The following SPECC1 variants were observed in gnomAD, a reference collection of about 807,000 sequenced individuals.
SPECC1 encodes cytospin-B.
A neutral mutation model predicts 104.1 loss-of-function variants in SPECC1; 62 were observed. The ratio of observed to expected loss-of-function variants is 0.60; its 90% CI spans 0.49 to 0.74. The LOEUF is 0.74. Among genes scored for constraint, SPECC1 ranks in the 30% least tolerant of loss-of-function variants. The pLI is 0.00. For synonymous variants in SPECC1, 513 were observed against 501.6 expected (o/e 1.02, Z -0.30); for missense variants, 1,306 against 1,310.5 (o/e 1.00, Z 0.05).
At chr17:20,211,102 C>T (rs921885617) in intron 4 of SPECC1, among the ~76,000 whole-genome samples, 5 of 152,204 alleles carry the variant, frequency 3.3e-5, no homozygotes, top group Non-Finnish European at 7.3e-5. Context: ...CCCACCCTGG[C>T]CCTCAGAGGA....
intron 11 of SPECC1, among the ~76,000 whole-genome samples, chr17:20,258,853 T>C (rs867093312): frequency 3.8e-4 from 58 of 152,392 alleles, no homozygotes; most frequent in African/African-American, 1.4e-3. Flanking sequence ...TTTGGGTGTT[T>C]AGTTTTTGTA....
intron 3 of SPECC1, among the ~76,000 whole-genome samples, chr17:20,179,280 A>C (rs2034696084): frequency 6.6e-6 from 1 of 152,276 alleles, no homozygotes; most frequent in African/African-American, 2.4e-5. Context: ...CAGATGCTGC[A>C]GGCACTAAAG....
chr17:20,237,168 GA>G, intron 7 of SPECC1: 2 of 1,339,466 alleles, frequency 1.5e-6, no homozygotes, highest in Non-Finnish European at 1.9e-6. Context: ...ATGAAGTTCT[GA>G]AAAAAACAAA....
At chr17:20,168,115 A>G (rs1012431611) in intron 3 of SPECC1, among the ~76,000 whole-genome samples, 7 of 152,222 alleles carry the variant, frequency 4.6e-5, no homozygotes, top group African/African-American at 1.7e-4. Context: ...TGATAAAAGT[A>G]GTACTAATAC....
chr17:20,078,087 T>C (rs898241608), intron 1 of SPECC1, among the ~76,000 whole-genome samples: 3 of 151,462 alleles, frequency 2.0e-5, no homozygotes, highest in Non-Finnish European at 4.4e-5. Context: ...ATTACATATA[T>C]ACATAAAAAG....
At chr17:20,150,843 G>C (rs1029923018) in intron 3 of SPECC1, among the ~76,000 whole-genome samples, 1 of 151,844 alleles carries the variant, frequency 6.6e-6, no homozygotes, top group African/African-American at 2.4e-5. Flanking sequence ...CTATATTTCA[G>C]ATATAGTTAT....
chr17:20,063,047 C>T lies in SPECC1; in HGVS notation c.-21-33584C>T, dbSNP rs537698477. ...GATATAGAGTAAATATGAAGTCACT[C>T]CTTATAATTCCCATCCCAACTGCCT... On this transcript the variant is annotated intron_variant, in intron 1 of 14. Transcript: ENST00000395527. 2.6e-5 allele frequency among the ~76,000 whole-genome samples: 4 copies of T among 152,210 alleles called. No individual in the cohort carries two copies. In the South Asian group the frequency reaches 8.3e-4, roughly 32 times the overall value.
chr17:20,031,135 T>C (rs2044792594), intron 1 of SPECC1, among the ~76,000 whole-genome samples: 1 of 151,878 alleles, frequency 6.6e-6, no homozygotes, highest in Admixed American at 6.6e-5. Context: ...GCTGGGATTA[T>C]AAGTATATGC....
intron 12 of SPECC1, among the ~76,000 whole-genome samples, chr17:20,276,903 T>A (rs753756889): frequency 6.6e-6 from 1 of 152,224 alleles, no homozygotes; most frequent in Non-Finnish European, 1.5e-5. Context: ...CAGGGCTGCT[T>A]TCTGGGGTAG....
At chr17:20,265,092 G>A (rs544783631) in intron 12 of SPECC1, among the ~76,000 whole-genome samples, 9 of 152,122 alleles carry the variant, frequency 5.9e-5, no homozygotes, top group Non-Finnish European at 8.8e-5. Context: ...ATGAACATAC[G>A]AGTGGTAGAA....
At chr17:20,046,725 G>A (rs545141803) in intron 1 of SPECC1, among the ~76,000 whole-genome samples, 3 of 152,150 alleles carry the variant, frequency 2.0e-5, no homozygotes, top group Non-Finnish European at 4.4e-5. Flanking sequence ...GAGTAGGTAA[G>A]GGAGTTAACT....
chr17:20,266,588 A>T (rs931327922), intron 12 of SPECC1, among the ~76,000 whole-genome samples: 3 of 151,756 alleles, frequency 2.0e-5, no homozygotes, highest in Admixed American at 1.3e-4. Flanking sequence ...CGTCTCAAAA[A>T]ATATATATAT....
At chr17:20,085,803 G>A (rs1374770040) in intron 1 of SPECC1, among the ~76,000 whole-genome samples, 2 of 152,230 alleles carry the variant, frequency 1.3e-5, no homozygotes, top group African/African-American at 2.4e-5. Flanking sequence ...GCGGACTCCC[G>A]CTGCATGTGC....
chr17:20,236,841 C>G, intron 7 of SPECC1: 3 of 1,613,844 alleles, frequency 1.9e-6, no homozygotes, highest in Non-Finnish European at 2.5e-6. Flanking sequence ...GCCTCTCCCT[C>G]CCGTTTCTAT....
intron 1 of SPECC1, among the ~76,000 whole-genome samples, chr17:20,052,324 G>A (rs538294925): frequency 1.3e-5 from 2 of 152,062 alleles, no homozygotes; most frequent in African/African-American, 4.8e-5. Context: ...ATCTACAGTT[G>A]GTCATGTTTT....
intron 13 of SPECC1, among the ~76,000 whole-genome samples, chr17:20,302,603 C>G (rs1436742417): frequency 6.6e-6 from 1 of 151,602 alleles, no homozygotes. Flanking sequence ...ACCCTGTATA[C>G]TATTTCAGGG....
intron 1 of SPECC1, among the ~76,000 whole-genome samples, chr17:20,019,871 AC>A (rs2044303940): frequency 1.0e-5 from 1 of 99,556 alleles, no homozygotes; most frequent in Non-Finnish European, 2.2e-5. Flanking sequence ...CTTCTTTGTC[AC>A]TGGCTTCTTT....
rs139428957 is a variant in SPECC1, at chr17:20,306,052, G to A, written c.3087G>A (p.Ala1029=). 1.4e-3 allele frequency: 2,245 copies of A among 1,613,826 alleles called. 5 individuals carry two copies. The highest frequency in any genetic ancestry group is 6.1e-3 in the Middle Eastern group (37 of 6,060). ...GGAATCTCTTGTTGGCATTTGAAGCGGCTGAAAGTGTAGGCATCAAACCCA... is the reference window on the plus strand; with the variant it reads ...GGAATCTCTTGTTGGCATTTGAAGCAGCTGAAAGTGTAGGCATCAAACCCA... The part of the protein sequence containing the change: ...KKRNLLLAFE[A]AESVGIKPSL... The change falls in exon 14 of 15, where the codon GCG becomes GCA. Residue 1029 remains alanine, a synonymous_variant. Coordinates refer to ENST00000395527, the MANE Select transcript of SPECC1 (RefSeq NM_001243439.2).
intron 4 of SPECC1, among the ~76,000 whole-genome samples, chr17:20,223,624 G>GA: frequency 6.6e-6 from 1 of 150,566 alleles, no homozygotes; most frequent in Admixed American, 6.6e-5. Flanking sequence ...AGTGAGCCGA[G>GA]AAAGTACCAC....
Sources: gnomAD v4.1 joint callset for allele counts (sites outside exome capture counted in the v4.1 genomes callset) on GRCh38, gnomAD v4.1.1 for gene constraint, MANE v1.5 for transcripts, NCBI Gene and HGNC (gene_info 2026-07-23, HGNC 2026-07-21) for gene names.